Variants in SLC38A6 observed in about 807,000 individuals in gnomAD.
SLC38A6 encodes solute carrier family 38 member 6.
Under a neutral mutation model 65.0 loss-of-function variants are expected in SLC38A6, and 73 were observed. That is an observed-to-expected ratio of 1.12 (90% CI 0.93 to 1.37). SLC38A6 has a LOEUF of 1.37. Ranked by LOEUF, SLC38A6 falls within the 40% of genes most tolerant of loss-of-function variation. SLC38A6 has a pLI of 0.00. For missense variants in SLC38A6, 561 were observed against 531.1 expected, an observed-to-expected ratio of 1.06 and a Z score of -0.55; for synonymous variants, 183 against 178.8, an observed-to-expected ratio of 1.02 and a Z score of -0.19.
At chr14:61,014,994 A>G (rs1004718386) in intron 3 of SLC38A6, among the ~76,000 whole-genome samples, 1 of 152,166 alleles carries the variant, frequency 6.6e-6, no homozygotes, top group Non-Finnish European at 1.5e-5. Flanking sequence ...GAGTCTACAG[A>G]GGCACGCAGG....
intron 4 of SLC38A6, among the ~76,000 whole-genome samples, chr14:61,018,394 CT>C (rs1247309566): frequency 3.3e-5 from 5 of 152,218 alleles, no homozygotes; most frequent in Admixed American, 2.6e-4. Flanking sequence ...TCCAAAGACA[CT>C]TTGCCAGATT....
At chr14:60,982,698 TAGAG>T in intron 2 of SLC38A6, 60 bp downstream of exon 2, 1 of 1,508,578 alleles carries the variant, frequency 6.6e-7, no homozygotes. Context: ...TACGGAGAAG[TAGAG>T]AGATAGATTC....
In SLC38A6 at chr14:61,015,894, C is replaced by T; in HGVS notation, c.311-10C>T. On this transcript the variant is annotated splice_polypyrimidine_tract_variant and intron_variant, in intron 3 of 15. Coordinates refer to ENST00000267488, the MANE Select transcript of SLC38A6 (RefSeq NM_153811.3). ...TGTGTAAAAGTGAACATTGTAATTTCTCTTAACAGCTGTAACATCTTATGA... is the reference window on the plus strand; with the variant it reads ...TGTGTAAAAGTGAACATTGTAATTTTTCTTAACAGCTGTAACATCTTATGA... 6.3e-7 allele frequency: 1 copy of T among 1,598,684 alleles called. No homozygotes were observed. The highest frequency in any genetic ancestry group is 8.5e-7 in the Non-Finnish European group (1 of 1,175,412).
At chr14:60,988,195 C>G (rs976983413) in intron 3 of SLC38A6, among the ~76,000 whole-genome samples, 1 of 152,304 alleles carries the variant, frequency 6.6e-6, no homozygotes, top group East Asian at 1.9e-4. Context: ...CTTTATGTCT[C>G]TCATACTAAT....
chr14:61,050,689 A>G (rs2139859512), intron 13 of SLC38A6, 53 bp downstream of exon 13: 1 of 1,382,528 alleles, frequency 7.2e-7, no homozygotes, highest in Non-Finnish European at 9.6e-7. Flanking sequence ...CCTAATAGGG[A>G]AACACTAATT....
At chr14:61,016,093 T>C (rs1012635068) in intron 4 of SLC38A6, 137 bp downstream of exon 4, 7 of 547,262 alleles carry the variant, frequency 1.3e-5, no homozygotes, top group Non-Finnish European at 2.2e-5. Flanking sequence ...AAAGAGAGAA[T>C]GATAGGAGCA....
At chr14:60,987,203 T>C in intron 3 of SLC38A6, 1 of 248,578 alleles carries the variant, frequency 4.0e-6, no homozygotes, top group Non-Finnish European at 7.8e-6. Context: ...TACATTCATA[T>C]ATAAAGACTA....
intron 6 of SLC38A6, 81 bp from the exon 7 acceptor site, chr14:61,036,978 G>GTGTT: frequency 1.4e-6 from 1 of 690,834 alleles, no homozygotes; most frequent in Non-Finnish European, 2.6e-6. Flanking sequence ...GTGTGTGTGT[G>GTGTT]TGTGTGTGTG....
At chr14:61,006,087 C>A (rs1384952700) in intron 3 of SLC38A6, among the ~76,000 whole-genome samples, 1 of 152,150 alleles carries the variant, frequency 6.6e-6, no homozygotes, top group African/African-American at 2.4e-5. Context: ...AAGGGATTCC[C>A]TATTTAATAA....
chr14:61,036,352 C>T (rs2041364131), intron 6 of SLC38A6, among the ~76,000 whole-genome samples: 1 of 148,180 alleles, frequency 6.7e-6, no homozygotes, highest in Non-Finnish European at 1.5e-5. Context: ...AACAGAAAAC[C>T]AAACACCGCA....
chr14:61,043,521 A>G lies in SLC38A6; in HGVS notation c.744+18A>G. On this transcript the variant is annotated intron_variant, in intron 10 of 15. Coordinates refer to ENST00000267488, the MANE Select transcript of SLC38A6 (RefSeq NM_153811.3). ...CCAAAGAGGTGTGTAAGTTATTAACAGATACTTTTAGTTGATTTTTCACAT... is the reference window on the plus strand; with the variant it reads ...CCAAAGAGGTGTGTAAGTTATTAACGGATACTTTTAGTTGATTTTTCACAT... 1 of 1,568,826 alleles carries G rather than the reference A, an allele frequency of 6.4e-7. No individual in the cohort carries two copies. Among genetic ancestry groups the G allele is most frequent in the Non-Finnish European group, 8.7e-7 (1 of 1,148,876 alleles).
chr14:60,993,200 A>G (rs2038040562), intron 3 of SLC38A6, among the ~76,000 whole-genome samples: 1 of 152,118 alleles, frequency 6.6e-6, no homozygotes. Flanking sequence ...AGAGATTTGC[A>G]TGTATTATTC....
intron 1 of SLC38A6, 56 bp from the exon 2 acceptor site, chr14:60,982,452 G>C: frequency 3.2e-6 from 5 of 1,575,438 alleles, no homozygotes; most frequent in Non-Finnish European, 4.3e-6. Context: ...ATTTCTTTAC[G>C]AAATTTTAAC....
At chr14:60,983,277 AC>A (rs2037207516) in intron 2 of SLC38A6, among the ~76,000 whole-genome samples, 1 of 152,124 alleles carries the variant, frequency 6.6e-6, no homozygotes, top group Non-Finnish European at 1.5e-5. Context: ...GATCACTGGA[AC>A]CCACGAGTTT....
chr14:61,043,274 G>A, intron 9 of SLC38A6, 62 bp downstream of exon 9: 3 of 1,191,744 alleles, frequency 2.5e-6, no homozygotes, highest in Middle Eastern at 2.1e-4. Flanking sequence ...AGAAAAGAAA[G>A]ACTAATGATT....
chr14:61,080,808 T>G (rs533643172), intron 16 of SLC38A6, among the ~76,000 whole-genome samples: 108 of 152,296 alleles, frequency 7.1e-4, no homozygotes, highest in South Asian at 5.8e-3. Context: ...AATCCCCCTG[T>G]GCATGTTAGT....
At chr14:61,042,014 A>G (rs2041848060) in intron 8 of SLC38A6, among the ~76,000 whole-genome samples, 1 of 151,792 alleles carries the variant, frequency 6.6e-6, no homozygotes, top group South Asian at 2.1e-4. Flanking sequence ...AATGATGGTG[A>G]GATTATTGCT....
At chr14:61,022,225 A>G (rs1294225886) in intron 5 of SLC38A6, among the ~76,000 whole-genome samples, 2 of 152,174 alleles carry the variant, frequency 1.3e-5, no homozygotes, top group South Asian at 2.1e-4. Context: ...TAACAAATCA[A>G]TAACTATTGC....
intron 3 of SLC38A6, among the ~76,000 whole-genome samples, chr14:60,990,259 G>A (rs2037763441): frequency 6.6e-6 from 1 of 152,140 alleles, no homozygotes; most frequent in African/African-American, 2.4e-5. Flanking sequence ...TCAAACTTCT[G>A]GCTTCAAGTG....
Sources: gnomAD v4.1 joint callset for allele counts (sites outside exome capture counted in the v4.1 genomes callset) on GRCh38, gnomAD v4.1.1 for gene constraint, MANE v1.5 for transcripts, NCBI Gene and HGNC (gene_info 2026-07-23, HGNC 2026-07-21) for gene names.